Variants in GSTCD observed in about 807,000 individuals in gnomAD.
GSTCD encodes the protein glutathione S-transferase C-terminal domain containing, also known as glutathione S-transferase C-terminal domain-containing protein.
A neutral mutation model predicts 68.3 loss-of-function variants in GSTCD; 44 were observed. The ratio of observed to expected loss-of-function variants is 0.64; its 90% CI spans 0.51 to 0.83. The LOEUF is 0.83. Among genes scored for constraint, GSTCD ranks in the 40% least tolerant of loss-of-function variants. The probability of loss-of-function intolerance (pLI) is 0.00; values close to 1 mark genes in which losing one functional copy is unlikely to be tolerated. For missense variants in GSTCD, 739 were observed against 735.9 expected, an observed-to-expected ratio of 1.00 and a Z score of -0.05; for synonymous variants, 273 against 255.2, an observed-to-expected ratio of 1.07 and a Z score of -0.67.
Position 105,839,633 on chromosome 4 carries a change from T to G in GSTCD, c.1695+1744T>G, listed in dbSNP as rs543942991. Among the ~76,000 whole-genome samples, 15 of 151,228 alleles carry G rather than the reference T, an allele frequency of 9.9e-5. No homozygotes were observed. The South Asian group carries it at 3.1e-3, about 32-fold the overall frequency. On this transcript the variant is annotated intron_variant, in intron 10 of 11. Coordinates refer to ENST00000515279, the MANE Select transcript of GSTCD (RefSeq NM_001370181.1). ...TTCAGCCCGGGTGAGAGAGTGATAC[T>G]CTGTCTCAAGAAAAGAGAGAGAGAG...
intron 5 of GSTCD, among the ~76,000 whole-genome samples, chr4:105,797,571 G>A (rs555757929): frequency 6.6e-6 from 1 of 152,158 alleles, no homozygotes; most frequent in East Asian, 1.9e-4. Flanking sequence ...ATTTTTGCTG[G>A]TGGAGGGTCT....
chr4:105,800,534 G>A (rs1736067060), intron 5 of GSTCD, among the ~76,000 whole-genome samples: 2 of 152,092 alleles, frequency 1.3e-5, no homozygotes, highest in South Asian at 4.1e-4. Context: ...GTCTGAACAT[G>A]AAGAAAAAGT....
Position 105,726,724 on chromosome 4 carries a change from C to A in GSTCD, c.1040C>A (p.Thr347Lys), listed in dbSNP as rs1378370608. The A allele has an allele frequency of 6.2e-7, 1 of 1,613,946 alleles. No individual in the cohort carries two copies. Among genetic ancestry groups the A allele is most frequent in the Non-Finnish European group, 8.5e-7 (1 of 1,179,914 alleles). ...IQFLHLPKLLTTSTEQHPNLC... is the reference protein window; with the variant it reads ...IQFLHLPKLLKTSTEQHPNLC... ...TTTCTCCATTTACCAAAGTTGTTGA[C>A]AACCTCAACTGAACAGCATCCAAAC... is the stretch of plus-strand genomic sequence containing the variant. The change falls in exon 4 of 12, where the codon ACA becomes AAA. Residue 347 changes from threonine to lysine, a missense_variant. Thr to Lys is a moderately conservative substitution (Grantham distance 78). Transcript: ENST00000515279.
At chr4:105,810,862 T>G (rs1722721125) in intron 5 of GSTCD, among the ~76,000 whole-genome samples, 2 of 152,118 alleles carry the variant, frequency 1.3e-5, no homozygotes, top group Admixed American at 1.3e-4. Context: ...TTAAGTAATT[T>G]CTGGAGGTCC....
At chr4:105,809,660 G>A (rs1407344587) in intron 5 of GSTCD, among the ~76,000 whole-genome samples, 5 of 152,028 alleles carry the variant, frequency 3.3e-5, no homozygotes, top group Admixed American at 2.0e-4. Context: ...CCTTAAAACA[G>A]TGCCTAGCAC....
intron 5 of GSTCD, among the ~76,000 whole-genome samples, chr4:105,740,151 G>A (rs968431315): frequency 6.6e-6 from 1 of 152,010 alleles, no homozygotes; most frequent in Non-Finnish European, 1.5e-5. Flanking sequence ...CAGTAGCCAC[G>A]TAGGCCCCAG....
intron 9 of GSTCD, among the ~76,000 whole-genome samples, chr4:105,835,959 A>G (rs1724101265): frequency 6.6e-6 from 1 of 151,950 alleles, no homozygotes. Flanking sequence ...AGGTCATCCC[A>G]ATGTCTACTC....
intron 3 of GSTCD, among the ~76,000 whole-genome samples, chr4:105,724,096 G>A (rs1256412930): frequency 1.3e-5 from 2 of 151,346 alleles, no homozygotes; most frequent in Non-Finnish European, 3.0e-5. Flanking sequence ...TGATATTATT[G>A]TGAAATATAT....
intron 10 of GSTCD, chr4:105,840,310 C>T (rs1351303455): frequency 5.1e-6 from 2 of 391,014 alleles, no homozygotes; most frequent in Non-Finnish European, 1.0e-5. Flanking sequence ...TTCCTTCTCT[C>T]CTTTCGTTGA....
At chr4:105,789,522 G>A (rs1265178154) in intron 5 of GSTCD, among the ~76,000 whole-genome samples, 1 of 151,954 alleles carries the variant, frequency 6.6e-6, no homozygotes, top group Non-Finnish European at 1.5e-5. Context: ...GATCCTCACT[G>A]GCTGTTCACT....
intron 3 of GSTCD, among the ~76,000 whole-genome samples, chr4:105,720,096 C>T (rs1300031634): frequency 1.3e-5 from 2 of 152,132 alleles, no homozygotes; most frequent in Non-Finnish European, 2.9e-5. Context: ...GTAGCTGGCT[C>T]TGTTATTATG....
At chr4:105,841,650 A>C (rs1197124623) in intron 10 of GSTCD, among the ~76,000 whole-genome samples, 1 of 148,652 alleles carries the variant, frequency 6.7e-6, no homozygotes, top group East Asian at 2.0e-4. Flanking sequence ...AGCCTGGCCA[A>C]CATGGTGAAA....
In GSTCD at chr4:105,720,980, C is replaced by CT. The variant is rs370975640; in HGVS notation, c.894+1463dup. Among the ~76,000 whole-genome samples the CT allele has an allele frequency of 4.4e-3, 640 of 146,196 alleles. 5 individuals are homozygous for CT. Among genetic ancestry groups the CT allele is most frequent in the African/African-American group, 0.014 (574 of 39,920 alleles). On this transcript the variant is annotated intron_variant, in intron 3 of 11. Transcript: ENST00000515279. ...TTGTATTTTTACTGGATTTTTTTTT[C>CT]TTTTTTTTTTGAGATGGAGTCTCGC...
chr4:105,772,584 C>T (rs1020696870), intron 5 of GSTCD, among the ~76,000 whole-genome samples: 7 of 152,060 alleles, frequency 4.6e-5, no homozygotes, highest in Admixed American at 6.6e-5. Flanking sequence ...GGAATTTTAT[C>T]GAGGGCCTTT....
chr4:105,735,974 A>G (rs1197974259), intron 5 of GSTCD, among the ~76,000 whole-genome samples: 1 of 152,176 alleles, frequency 6.6e-6, no homozygotes, highest in Non-Finnish European at 1.5e-5. Flanking sequence ...CTAATGCCCA[A>G]TTTATAATCC....
At chr4:105,814,009 T>C (rs1419068396) in intron 5 of GSTCD, among the ~76,000 whole-genome samples, 5 of 152,170 alleles carry the variant, frequency 3.3e-5, no homozygotes, top group Non-Finnish European at 7.3e-5. Context: ...AAAAATTTGC[T>C]AAATTAATGA....
At chr4:105,716,215 A>T (rs1047955104) in intron 1 of GSTCD, among the ~76,000 whole-genome samples, 3 of 152,232 alleles carry the variant, frequency 2.0e-5, no homozygotes, top group African/African-American at 7.2e-5. Context: ...GCTAGGAAGA[A>T]AAAACATAGA....
chr4:105,797,310 C>A (rs1735933146), intron 5 of GSTCD, among the ~76,000 whole-genome samples: 1 of 151,514 alleles, frequency 6.6e-6, no homozygotes, highest in Non-Finnish European at 1.5e-5. Flanking sequence ...TAGTTGTGTT[C>A]ATATACCAGC....
chr4:105,794,837 ATTT>A (rs1296359551), intron 5 of GSTCD, among the ~76,000 whole-genome samples: 1 of 93,244 alleles, frequency 1.1e-5, no homozygotes, highest in Non-Finnish European at 1.9e-5. Context: ...CTATCTATCT[ATTT>A]ATCTATCTAT....
Sources: allele counts gnomAD v4.1 joint callset (sites outside exome capture counted in the v4.1 genomes callset), GRCh38; gene constraint gnomAD v4.1.1; transcripts MANE v1.5; gene names NCBI Gene and HGNC (gene_info 2026-07-23, HGNC 2026-07-21).